Variants in CEP128 observed in about 807,000 individuals in gnomAD.
CEP128 encodes the protein centrosomal protein 128.
CEP128 carries 132 observed loss-of-function variants against 156.7 expected under a neutral mutation model. The ratio of observed to expected loss-of-function variants is 0.84; its 90% CI spans 0.73 to 0.97. CEP128 has a LOEUF of 0.97. CEP128 is among the 50% of genes least tolerant of loss of function. CEP128 has a pLI of 0.00. For synonymous variants in CEP128, 469 were observed against 448.9 expected (o/e 1.04, Z -0.57); for missense variants, 1,252 against 1,281.9 (o/e 0.98, Z 0.36).
At chr14:80,656,883 C>G (rs114783708) in intron 19 of CEP128, among the ~76,000 whole-genome samples, 3 of 152,066 alleles carry the variant, frequency 2.0e-5, no homozygotes, top group Non-Finnish European at 4.4e-5. Flanking sequence ...ATAAACAGAG[C>G]GAACCAGATA....
At chr14:80,609,217 A>G (rs1892902286) in intron 19 of CEP128, among the ~76,000 whole-genome samples, 1 of 152,218 alleles carries the variant, frequency 6.6e-6, no homozygotes, top group Non-Finnish European at 1.5e-5. Context: ...ACTCAGTAAA[A>G]GCATTTGGAT....
At chr14:80,487,183 C>A (rs1465559759), downstream of CEP128, among the ~76,000 whole-genome samples, 1 of 151,946 alleles carries the variant, frequency 6.6e-6, no homozygotes, top group Non-Finnish European at 1.5e-5. Context: ...AGAGGAAGAT[C>A]TACCAAGCAA....
At chr14:80,837,641 G>A (rs11844869) in intron 11 of CEP128, among the ~76,000 whole-genome samples, 9,840 of 152,244 alleles carry the variant, frequency 0.065, 1,056 homozygotes, top group African/African-American at 0.22. Context: ...GCTTGAACCC[G>A]GGAGGCTGAG....
intron 6 of CEP128, among the ~76,000 whole-genome samples, chr14:80,490,915 C>T (rs1887302543): frequency 6.6e-6 from 1 of 151,964 alleles, no homozygotes; most frequent in Non-Finnish European, 1.5e-5. Context: ...CTTGTTGTAA[C>T]ACAGATCGTT....
At chr14:80,824,434 C>T (rs1885360690) in intron 13 of CEP128, among the ~76,000 whole-genome samples, 1 of 152,220 alleles carries the variant, frequency 6.6e-6, no homozygotes, top group South Asian at 2.1e-4. Flanking sequence ...ATTCTCCATA[C>T]TTTTATGCTC....
At chr14:80,500,948 A>G (rs1364313696) in intron 24 of CEP128, among the ~76,000 whole-genome samples, 1 of 151,032 alleles carries the variant, frequency 6.6e-6, no homozygotes, top group African/African-American at 2.4e-5. Flanking sequence ...TCTTGTTTTA[A>G]TTTTATTTCT....
chr14:80,604,647 T>C (rs1892709881), intron 19 of CEP128, among the ~76,000 whole-genome samples: 1 of 152,132 alleles, frequency 6.6e-6, no homozygotes, highest in Non-Finnish European at 1.5e-5. Context: ...ACACCACTCA[T>C]ATTCCTGGAG....
At chr14:80,579,879 C>A (rs1256978702) in intron 20 of CEP128, among the ~76,000 whole-genome samples, 12 of 152,186 alleles carry the variant, frequency 7.9e-5, no homozygotes, top group Admixed American at 1.3e-4. Context: ...CGAGTGGAAT[C>A]TTTCTAACAC....
At position 80,797,218 on chromosome 14, in the gene CEP128, A is replaced by G. The variant is rs117516607; in HGVS notation, c.1210-4108T>C. ...CAACAACAGGGAGCACAGGATTAAC[A>G]TATTCAAGCCCAGAGCTTACGCAGG... On this transcript the variant is annotated intron_variant, in intron 13 of 24. Transcript: ENST00000555265. Among the ~76,000 whole-genome samples, 1,240 of 152,320 alleles carry G rather than the reference A, an allele frequency of 8.1e-3. 11 individuals are homozygous for G. Among genetic ancestry groups the G allele is most frequent in the Non-Finnish European group, 0.01 (686 of 68,022 alleles).
chr14:80,699,342 A>G (rs1246025551), intron 19 of CEP128, among the ~76,000 whole-genome samples: 1 of 152,192 alleles, frequency 6.6e-6, no homozygotes, highest in South Asian at 2.1e-4. Context: ...CCCATGCACT[A>G]CAGGCCATGG....
chr14:80,832,516 T>C lies in CEP128; in HGVS notation c.1058-1222A>G, dbSNP rs562935273. Among the ~76,000 whole-genome samples the C allele has an allele frequency of 3.3e-5, 5 of 150,418 alleles. No homozygotes were observed. The East Asian group carries it at 1.1e-3, about 33-fold the overall frequency. ...TGTACATATTAGAATGGAAGACATA[T>C]GGGCATTTCAATAGGATGATAAGAG... On this transcript the variant is annotated intron_variant, in intron 12 of 24. Coordinates refer to ENST00000555265, the MANE Select transcript of CEP128 (RefSeq NM_152446.5).
At chr14:80,611,861 T>C (rs1407134234) in intron 19 of CEP128, among the ~76,000 whole-genome samples, 1 of 151,992 alleles carries the variant, frequency 6.6e-6, no homozygotes, top group African/African-American at 2.4e-5. Flanking sequence ...AGTTCAAGAC[T>C]AGCCTGGCCA....
chr14:80,958,597 G>A (rs577816498), intron 1 of CEP128, among the ~76,000 whole-genome samples: 6 of 152,022 alleles, frequency 3.9e-5, no homozygotes, highest in Non-Finnish European at 7.4e-5. Context: ...AAGAGAGAGT[G>A]GAAGAGAGGC....
intron 22 of CEP128, among the ~76,000 whole-genome samples, chr14:80,528,388 A>G (rs1348241712): frequency 6.6e-6 from 1 of 152,236 alleles, no homozygotes; most frequent in African/African-American, 2.4e-5. Context: ...GCCCTGGTTC[A>G]AGCAATTCTC....
chr14:80,929,302 T>C (rs1322907152), intron 2 of CEP128, among the ~76,000 whole-genome samples: 1 of 152,148 alleles, frequency 6.6e-6, no homozygotes, highest in Non-Finnish European at 1.5e-5. Context: ...CTATGGAAAA[T>C]AGTATGGAGA....
chr14:80,881,746 G>C (rs1888563228), intron 8 of CEP128, among the ~76,000 whole-genome samples: 1 of 152,130 alleles, frequency 6.6e-6, no homozygotes, highest in African/African-American at 2.4e-5. Flanking sequence ...ATTTAGCCCA[G>C]AAATGCAAGG....
At chr14:80,860,169 A>G (rs895371253) in intron 9 of CEP128, among the ~76,000 whole-genome samples, 2 of 152,204 alleles carry the variant, frequency 1.3e-5, no homozygotes, top group Non-Finnish European at 2.9e-5. Context: ...TTTCCGGAAC[A>G]GTTTAAGCCA....
chr14:80,698,912 G>T (rs1896976975), intron 19 of CEP128, among the ~76,000 whole-genome samples: 1 of 151,954 alleles, frequency 6.6e-6, no homozygotes, highest in Admixed American at 6.6e-5. Flanking sequence ...TCCCATTCTA[G>T]ATTACTAGAG....
In CEP128 at chr14:80,777,909, T is replaced by C. The variant is rs757350361; in HGVS notation, c.2349A>G (p.Gln783=). 2.5e-6 allele frequency: 4 copies of C among 1,609,992 alleles called. No homozygotes were observed. Among genetic ancestry groups the C allele is most frequent in the South Asian group, 2.2e-5 (2 of 90,914 alleles). The change falls in exon 16 of 25, where the codon CAA becomes CAG. Residue 783 remains glutamine (Q), a synonymous_variant. Transcript: ENST00000555265. ...TTTCTTCTAGTTGATCCTTCAAACA[T>C]TGATATTTTAGCTTCAGTTTTTTGT... The part of the protein sequence containing the change: ...NENKKLKLKY[Q]CLKDQLEERE...
Sources: gnomAD v4.1 joint callset for allele counts (sites outside exome capture counted in the v4.1 genomes callset) on GRCh38, gnomAD v4.1.1 for gene constraint, MANE v1.5 for transcripts, NCBI Gene and HGNC (gene_info 2026-07-23, HGNC 2026-07-21) for gene names.